ABL1: variants seen among roughly 807,000 people sequenced by gnomAD.
The protein encoded by ABL1 is tyrosine-protein kinase ABL1.
ABL1 carries 11 observed loss-of-function variants against 94.7 expected under a neutral mutation model. The ratio of observed to expected loss-of-function variants is 0.12; its 90% CI spans 0.07 to 0.19. ABL1 has a LOEUF of 0.19. ABL1 is among the 10% of genes least tolerant of loss of function. The probability of loss-of-function intolerance (pLI) is 1.00; values close to 1 mark genes in which losing one functional copy is unlikely to be tolerated. For missense variants in ABL1, 1,082 were observed against 1,489.4 expected, an observed-to-expected ratio of 0.73 and a Z score of 4.50; for synonymous variants, 656 against 622.4, an observed-to-expected ratio of 1.05 and a Z score of -0.80.
At chr9:130,726,165 T>A (rs542507707) in intron 1 of ABL1, among the ~76,000 whole-genome samples, 6 of 148,970 alleles carry the variant, frequency 4.0e-5, no homozygotes, top group Admixed American at 2.7e-4. Flanking sequence ...ATTTTAATAT[T>A]TTTTTTAAAA....
rs2133034149 is a variant in ABL1, at chr9:130,883,829, T to C, written c.1679-140T>C. On this transcript the variant is annotated intron_variant, in intron 10 of 10. Transcript: ENST00000318560. ...TTGACAATTTTTTTGTTTGTTTGTT[T>C]GTTTGTTTTGAGATGGAGTCTCACT... The C allele has an allele frequency of 4.6e-6, 5 of 1,093,530 alleles. No homozygotes were observed. In the South Asian group the frequency reaches 6.4e-5, roughly 14 times the overall value. The allele number at this position is 1,093,530 out of a possible 1,614,324, so 67.7% of individuals were successfully genotyped here.
Position 130,885,373 on chromosome 9 carries a change from C to G in ABL1, c.3083C>G (p.Thr1028Ser). ...GAGCGGATCGCCAGCGGCGCCATCA[C>G]CAAGGGCGTGGTCCTGGACAGCACC... Reference protein sequence around the residue: ...PPERIASGAITKGVVLDSTEA... With the variant: ...PPERIASGAISKGVVLDSTEA... Residue 1028 changes from threonine to serine, a missense_variant, in exon 11 of 11, where the codon ACC becomes AGC. Thr to Ser is a moderately conservative substitution (Grantham distance 58). Around this residue, in one of 7 missense-constraint regions of ABL1, gnomAD observed 780 missense variants for 835.8 expected, o/e 0.93. Coordinates refer to ENST00000318560, the MANE Select transcript of ABL1 (RefSeq NM_005157.6). 6.2e-7 allele frequency: 1 copy of G among 1,613,688 alleles called. No homozygotes were observed. Among genetic ancestry groups the G allele is most frequent in the Non-Finnish European group, 8.5e-7 (1 of 1,180,040 alleles).
intron 1 of ABL1, among the ~76,000 whole-genome samples, chr9:130,850,936 G>GT (rs920123864): frequency 1.8e-4 from 27 of 150,322 alleles, no homozygotes; most frequent in African/African-American, 5.6e-4. Context: ...TTGTTTGTTT[G>GT]TTTTTTTGAG....
chr9:130,751,479 G>C (rs111535559), intron 1 of ABL1, among the ~76,000 whole-genome samples: 2,619 of 152,132 alleles, frequency 0.017, 76 homozygotes, highest in African/African-American at 0.059. Flanking sequence ...GTTTATTATA[G>C]ATATTATATA....
intron 1 of ABL1, among the ~76,000 whole-genome samples, chr9:130,828,912 G>T (rs1171904081): frequency 6.6e-6 from 1 of 152,110 alleles, no homozygotes; most frequent in Non-Finnish European, 1.5e-5. Flanking sequence ...TAAATCTCTG[G>T]ATTTATGAGT....
At chr9:130,769,632 C>T (rs1374966958) in intron 1 of ABL1, among the ~76,000 whole-genome samples, 1 of 152,034 alleles carries the variant, frequency 6.6e-6, no homozygotes, top group African/African-American at 2.4e-5. Context: ...AGCCACCGTC[C>T]CCGGCCCCTA....
chr9:130,864,347 C>T (rs955219768), intron 4 of ABL1, among the ~76,000 whole-genome samples: 13 of 152,094 alleles, frequency 8.5e-5, no homozygotes, highest in South Asian at 4.2e-4. Flanking sequence ...CCCAAATTGG[C>T]GATTCTCCTT....
In ABL1 at chr9:130,885,176, C is replaced by T. The variant is rs1219634744; in HGVS notation, c.2886C>T (p.Ala962=). The change falls in exon 11 of 11, where the codon GCC becomes GCT. Residue 962 remains alanine (A), a synonymous_variant. Coordinates refer to ENST00000318560, the MANE Select transcript of ABL1 (RefSeq NM_005157.6). ...GEGLKKPVLP[A]TPKPQSAKPS... ...GCCTCAAAAAGCCCGTGCTCCCGGC[C>T]ACTCCAAAGCCACAGTCCGCCAAGC... 1.1e-5 allele frequency: 18 copies of T among 1,613,336 alleles called. No individual in the cohort carries two copies. In the Admixed American group the frequency reaches 2.3e-4, roughly 21 times the overall value.
chr9:130,825,258 C>T (rs1394422272), intron 1 of ABL1, among the ~76,000 whole-genome samples: 30 of 152,304 alleles, frequency 2.0e-4, no homozygotes, highest in Admixed American at 1.9e-3. Flanking sequence ...GTTTAGACAA[C>T]TTGTTTTCTT....
chr9:130,816,469 C>T lies in ABL1; in HGVS notation c.137-37595C>T, dbSNP rs191968752. ...GATTACAGGTGTGAGCTACCACACCCGGCCCCGATCACCTTATTTAAAATT... is the reference window on the plus strand; with the variant it reads ...GATTACAGGTGTGAGCTACCACACCTGGCCCCGATCACCTTATTTAAAATT... On this transcript the variant is annotated intron_variant, in intron 1 of 10. Coordinates refer to the ABL1 transcript ENST00000372348. Among the ~76,000 whole-genome samples, 99 of 151,370 alleles carry T rather than the reference C, an allele frequency of 6.5e-4. 1 individual carries two copies. The highest frequency in any genetic ancestry group is 6.1e-3 in the Admixed American group (93 of 15,218).
Position 130,884,995 on chromosome 9 carries a change from C to G in ABL1, c.2705C>G (p.Pro902Arg). The change falls in exon 11 of 11, where the codon CCA (proline) becomes CGA (arginine). Residue 902 changes from proline (P) to arginine (R), a missense_variant. Transcript: ENST00000318560. The surrounding 1 kb of genome is among the most constrained non-coding windows in gnomAD (Gnocchi z 5.6). ...AGGCTCAAACCTGCCCCGCCGCCCC[C>G]ACCAGCAGCCTCTGCAGGGAAGGCT... ...LSRLKPAPPP[P>R]PAASAGKAGG... 1.2e-6 allele frequency: 2 copies of G among 1,611,610 alleles called. No individual in the cohort carries two copies. The highest frequency in any genetic ancestry group is 1.3e-5 in the African/African-American group (1 of 75,070).
In ABL1 at chr9:130,863,112, G is replaced by C. The variant is rs1348265745; in HGVS notation, c.822+77G>C. On this transcript the variant is annotated intron_variant, in intron 4 of 10. Transcript: ENST00000318560. This position sits in a 1 kb window ranked among gnomAD's most constrained non-coding sequence, Gnocchi z 4.3. ...TGGCATTAGGCGATGCATCTGCCTGGAAGTCTACCTCCTGCCTGCTGTCCG... is the reference window on the plus strand; with the variant it reads ...TGGCATTAGGCGATGCATCTGCCTGCAAGTCTACCTCCTGCCTGCTGTCCG... The C allele has an allele frequency of 3.0e-5, 43 of 1,457,544 alleles. No individual in the cohort carries two copies. Among genetic ancestry groups the C allele is most frequent in the African/African-American group, 4.2e-5 (3 of 70,872 alleles). 90.3% of individuals were successfully genotyped at this position (1,457,544 alleles called of 1,614,324 possible).
intron 1 of ABL1, among the ~76,000 whole-genome samples, chr9:130,783,072 C>A (rs1829778801): frequency 6.6e-6 from 1 of 152,160 alleles, no homozygotes; most frequent in Non-Finnish European, 1.5e-5. Flanking sequence ...CCACACTGAT[C>A]CAGGAACATT....
chr9:130,839,283 A>G (rs889020946), intron 1 of ABL1, among the ~76,000 whole-genome samples: 5 of 152,302 alleles, frequency 3.3e-5, no homozygotes, highest in African/African-American at 9.6e-5. Context: ...TTCAGCAGCT[A>G]ACTTTCCAGC....
intron 1 of ABL1, among the ~76,000 whole-genome samples, chr9:130,853,780 AT>A (rs1830927280): frequency 6.6e-6 from 1 of 152,224 alleles, no homozygotes; most frequent in Non-Finnish European, 1.5e-5. Context: ...GACTGTTTTA[AT>A]TTGACTAAAG....
chr9:130,764,557 T>C (rs1275990397), intron 1 of ABL1, among the ~76,000 whole-genome samples: 1 of 152,226 alleles, frequency 6.6e-6, no homozygotes, highest in African/African-American at 2.4e-5. Flanking sequence ...AGATTTCTTT[T>C]TCGTGGTGGC....
rs1831434312 is a variant in ABL1, at chr9:130,880,564, A to G, written c.1578A>G (p.Pro526=). 6.2e-7 allele frequency: 1 copy of G among 1,613,888 alleles called. No homozygotes were observed. Among genetic ancestry groups the G allele is most frequent in the South Asian group, 1.1e-5 (1 of 91,056 alleles). The change falls in exon 10 of 11, where the codon CCA becomes CCG. Residue 526 remains proline, a synonymous_variant. Coordinates refer to ENST00000318560, the MANE Select transcript of ABL1 (RefSeq NM_005157.6). The surrounding 1 kb of genome is among the most constrained non-coding windows in gnomAD (Gnocchi z 4.4). The part of the protein sequence containing the change: ...RGAVSTLLQA[P]ELPTKTRTSR... ...CTGTGAGTACCTTGCTGCAGGCCCC[A>G]GAGCTGCCCACCAAGACGAGGACCT... is the stretch of plus-strand genomic sequence containing the variant.
In ABL1 at chr9:130,885,060, G is replaced by A. The variant is rs771729224; in HGVS notation, c.2770G>A (p.Gly924Arg). Residue 924 changes from glycine to arginine, a missense_variant, in exon 11 of 11, where the codon GGG (glycine) becomes AGG (arginine). By Grantham distance (125) the Gly-to-Arg change is moderately radical. Around this residue, in one of 7 missense-constraint regions of ABL1, gnomAD observed 780 missense variants for 835.8 expected, o/e 0.93. Coordinates refer to ENST00000318560, the MANE Select transcript of ABL1 (RefSeq NM_005157.6). Reference protein sequence around the residue: ...PSQSPSQEAAGEAVLGAKTKA... With the variant: ...PSQSPSQEAAREAVLGAKTKA... ...GCAGAGCCCGAGCCAGGAGGCGGCC[G>A]GGGAGGCAGTCCTGGGCGCAAAGAC... 14 of 1,609,666 alleles carry A rather than the reference G, an allele frequency of 8.7e-6. No homozygotes were observed. Among genetic ancestry groups the A allele is most frequent in the Middle Eastern group, 1.7e-4 (1 of 6,044 alleles).
At chr9:130,844,879 C>T (rs953564398) in intron 1 of ABL1, among the ~76,000 whole-genome samples, 5 of 152,148 alleles carry the variant, frequency 3.3e-5, no homozygotes, top group South Asian at 2.1e-4. Context: ...TGGTTTGTTA[C>T]CTGTGTTCTT....
Sources: allele counts gnomAD v4.1 joint callset (sites outside exome capture counted in the v4.1 genomes callset), GRCh38; gene constraint gnomAD v4.1.1; regional missense constraint gnomAD v4.1.1; non-coding constraint Gnocchi (gnomAD v3.1); transcripts MANE v1.5; gene names NCBI Gene and HGNC (gene_info 2026-07-23, HGNC 2026-07-21).